Variants in TDRD1 observed in about 807,000 individuals in gnomAD.
The protein encoded by TDRD1 is tudor domain containing 1, also known as tudor domain-containing protein 1.
A neutral mutation model predicts 140.6 loss-of-function variants in TDRD1; 37 were observed. That is an observed-to-expected ratio of 0.26 (90% confidence interval 0.20 to 0.35). The LOEUF (loss-of-function observed/expected upper bound fraction) is 0.35. TDRD1 is among the 10% of genes least tolerant of loss of function. The pLI is 1.00. For synonymous variants in TDRD1, 506 were observed against 475.7 expected (o/e 1.06, Z -0.83); for missense variants, 1,243 against 1,393.0 (o/e 0.89, Z 1.71).
At chr10:114,208,585 C>T (rs1023456489) in intron 11 of TDRD1, among the ~76,000 whole-genome samples, 3 of 152,126 alleles carry the variant, frequency 2.0e-5, no homozygotes, top group Admixed American at 6.5e-5. Context: ...CTGCACTCAG[C>T]CTGGCATTAT....
intron 20 of TDRD1, among the ~76,000 whole-genome samples, chr10:114,222,196 C>T (rs1274155385): frequency 6.6e-6 from 1 of 152,136 alleles, no homozygotes. Flanking sequence ...TTGATCCTGA[C>T]AACATGTTGT....
intron 25 of TDRD1, among the ~76,000 whole-genome samples, chr10:114,229,988 A>G (rs34193176): frequency 0.17 from 26,277 of 151,744 alleles, 2,520 homozygotes; most frequent in African/African-American, 0.24. Flanking sequence ...CCGCCACCAC[A>G]CCCAGCTAAT....
At chr10:114,227,049 A>T (rs936644415) in intron 22 of TDRD1, 23 bp from the exon 23 acceptor site, 1 of 1,233,626 alleles carries the variant, frequency 8.1e-7, no homozygotes, top group Admixed American at 2.0e-5. Context: ...GGACTAAAAG[A>T]CTATAATATC....
At chr10:114,190,992 T>A (rs559317756) in exon 3 of TDRD1, 1 of 1,614,110 alleles carries the variant, frequency 6.2e-7, no homozygotes, top group African/African-American at 1.3e-5. Context: ...GTGCTGAAAG[T>A]AATTCACCAC....
chr10:114,213,487 C>T lies in TDRD1; in HGVS notation c.1973C>T (p.Thr658Met), dbSNP rs371770651. 77 of 1,613,916 alleles carry T rather than the reference C, an allele frequency of 4.8e-5. No individual in the cohort carries two copies. The highest frequency in any genetic ancestry group is 3.3e-4 in the Middle Eastern group (2 of 6,058). ...GTGGAGCTTATTGATAAATCCGAGA[C>T]GCCTCATGTCAGTGTTAGCAAAGTT... Residue 658 changes from threonine (T) to methionine (M), a missense_variant, in exon 15 of 26, where the codon ACG (threonine) becomes ATG (methionine). Around this residue, in one of 5 missense-constraint regions of TDRD1, gnomAD observed 601 missense variants for 734.7 expected, o/e 0.82. Coordinates refer to ENST00000251864, the Ensembl canonical transcript of TDRD1.
At chr10:114,209,864 C>T (rs554492286) in intron 11 of TDRD1, among the ~76,000 whole-genome samples, 199 of 152,252 alleles carry the variant, frequency 1.3e-3, no homozygotes, top group African/African-American at 4.6e-3. Flanking sequence ...GATATCTTAT[C>T]CTTTAATTCC....
At chr10:114,186,225 CTT>C (rs1185208401) in intron 1 of TDRD1, among the ~76,000 whole-genome samples, 1 of 151,924 alleles carries the variant, frequency 6.6e-6, no homozygotes, top group Non-Finnish European at 1.5e-5. Flanking sequence ...AGAGTCTAGA[CTT>C]TATTCCTCCC....
chr10:114,217,374 C>G (rs532227629), intron 16 of TDRD1, among the ~76,000 whole-genome samples, 171 bp from the exon 17 acceptor site: 11 of 152,246 alleles, frequency 7.2e-5, no homozygotes, highest in African/African-American at 2.6e-4. Flanking sequence ...TAAATAACAA[C>G]TTATTTGCCC....
chr10:114,228,256 T>C, intron 25 of TDRD1: 3 of 1,436,208 alleles, frequency 2.1e-6, no homozygotes, highest in Non-Finnish European at 2.7e-6. Context: ...TTTAATGACC[T>C]GAGGTTTGGT....
chr10:114,216,228 T>C (rs2035805734), intron 16 of TDRD1, among the ~76,000 whole-genome samples: 1 of 152,202 alleles, frequency 6.6e-6, no homozygotes, highest in Non-Finnish European at 1.5e-5. Flanking sequence ...TGCTAGATTT[T>C]TCACTAGTGT....
chr10:114,215,770 A>G (rs1252362167), intron 16 of TDRD1, among the ~76,000 whole-genome samples: 1 of 152,210 alleles, frequency 6.6e-6, no homozygotes. Context: ...TTATACAAAC[A>G]TAATATAAAA....
chr10:114,226,368 C>G, intron 22 of TDRD1, 152 bp downstream of exon 22: 1 of 584,628 alleles, frequency 1.7e-6, no homozygotes, highest in Non-Finnish European at 2.9e-6. Flanking sequence ...GTTTCATATT[C>G]TTTATTCTTT....
chr10:114,186,092 T>G (rs566087591), intron 1 of TDRD1, among the ~76,000 whole-genome samples: 1 of 152,344 alleles, frequency 6.6e-6, no homozygotes, highest in East Asian at 1.9e-4. Flanking sequence ...TGATGTTTTC[T>G]GTACTTGAAT....
chr10:114,193,492 C>A (rs2034133797), intron 3 of TDRD1, among the ~76,000 whole-genome samples: 1 of 152,034 alleles, frequency 6.6e-6, no homozygotes, highest in South Asian at 2.1e-4. Context: ...CGTGGTTTCA[C>A]CATGTTGATC....
chr10:114,211,625 G>A (rs1162944143), intron 13 of TDRD1, among the ~76,000 whole-genome samples: 1 of 152,174 alleles, frequency 6.6e-6, no homozygotes, highest in Non-Finnish European at 1.5e-5. Flanking sequence ...AACTCTACTG[G>A]AGAGACAAGG....
At chr10:114,177,820 C>G (rs569971383), upstream of TDRD1, among the ~76,000 whole-genome samples, 5 of 148,518 alleles carry the variant, frequency 3.4e-5, no homozygotes, top group African/African-American at 1.2e-4. Context: ...ACCTTCTTTT[C>G]TTTCTTTCTT....
intron 3 of TDRD1, among the ~76,000 whole-genome samples, chr10:114,193,182 G>A (rs1165743263): frequency 6.6e-6 from 1 of 150,830 alleles, no homozygotes; most frequent in East Asian, 2.0e-4. Flanking sequence ...TGATTTTTTT[G>A]AGTAATTGTA....
intron 11 of TDRD1, among the ~76,000 whole-genome samples, chr10:114,208,543 C>T (rs1179005916): frequency 6.6e-6 from 1 of 152,142 alleles, no homozygotes; most frequent in Non-Finnish European, 1.5e-5. Flanking sequence ...ATGCTTTTGT[C>T]CCCTCTCCTC....
At chr10:114,212,761 A>G (rs2035566932) in intron 14 of TDRD1, among the ~76,000 whole-genome samples, 1 of 152,158 alleles carries the variant, frequency 6.6e-6, no homozygotes, top group African/African-American at 2.4e-5. Flanking sequence ...ACTTTTGTTT[A>G]TGGCTTTCTT....
Sources: gnomAD v4.1 joint callset for allele counts (sites outside exome capture counted in the v4.1 genomes callset) on GRCh38, gnomAD v4.1.1 for gene constraint, gnomAD v4.1.1 regional missense constraint, MANE v1.5 for transcripts, NCBI Gene and HGNC (gene_info 2026-07-23, HGNC 2026-07-21) for gene names.